The following GPC3 variants were observed in gnomAD, a reference collection of about 807,000 sequenced individuals.
The protein encoded by GPC3 is glypican-3.
In GPC3, 3 loss-of-function variants were observed where a neutral mutation model predicts 34.4. The observed-to-expected ratio is 0.09, with a 90% confidence interval of 0.04 to 0.23. The LOEUF (loss-of-function observed/expected upper bound fraction) is 0.23, where lower values mean the gene tolerates loss of function less well. Ranked by LOEUF, GPC3 falls within the 10% of genes least tolerant of loss-of-function variation. GPC3 has a pLI of 1.00. For synonymous variants in GPC3, 177 were observed against 174.0 expected (o/e 1.02, Z -0.13); for missense variants, 351 against 445.6 (o/e 0.79, Z 1.91).
At chrX:133,764,918 G>A (rs73564951) in intron 2 of GPC3, among the ~76,000 whole-genome samples, 2,781 of 111,456 alleles carry the variant, frequency 0.025, 90 homozygotes, top group African/African-American at 0.085. Context: ...TTGGAAAATA[G>A]TCTTACTTAT....
At chrX:133,703,831 A>G (rs886636665) in intron 3 of GPC3, among the ~76,000 whole-genome samples, 1 of 112,090 alleles carries the variant, frequency 8.9e-6, no homozygotes. Context: ...TTGTACCTAC[A>G]TAAGGAAAAT....
In GPC3 at chrX:133,945,280, A is replaced by C. The variant is rs1185359362; in HGVS notation, c.337+7770T>G. ...GTGGCACATTCCTGTAGTCCCAGCT[A>C]TTCAGGAGGCTGAGGTGGGAGGATC... is the stretch of plus-strand genomic sequence containing the variant. On this transcript the variant is annotated intron_variant, in intron 2 of 7. Transcript: ENST00000370818. Among the ~76,000 whole-genome samples, 4 of 111,504 alleles carry C rather than the reference A, an allele frequency of 3.6e-5. No individual in the cohort carries two copies. In the East Asian group the frequency reaches 1.1e-3, roughly 31 times the overall value.
At chrX:133,601,028 C>A (rs1313267970) in intron 6 of GPC3, among the ~76,000 whole-genome samples, 1 of 111,592 alleles carries the variant, frequency 9.0e-6, no homozygotes, top group Admixed American at 9.5e-5. Context: ...ATTCTGTTAA[C>A]CTGACACTTC....
chrX:133,872,856 T>C (rs1320840029), intron 2 of GPC3, among the ~76,000 whole-genome samples: 1 of 112,009 alleles, frequency 8.9e-6, no homozygotes. Flanking sequence ...GGACATTTAT[T>C]ACTATGCTGT....
intron 2 of GPC3, among the ~76,000 whole-genome samples, chrX:133,827,172 A>G (rs760606445): frequency 1.3e-3 from 146 of 112,084 alleles, no homozygotes; most frequent in Non-Finnish European, 1.9e-3. Flanking sequence ...ACAAAAACTG[A>G]GAGAATTTGT....
intron 2 of GPC3, among the ~76,000 whole-genome samples, chrX:133,905,619 T>C (rs1044878060): frequency 8.9e-6 from 1 of 111,996 alleles, no homozygotes; most frequent in African/African-American, 3.2e-5. Context: ...AGAAAATGGA[T>C]GTCAAATCTG....
intron 2 of GPC3, among the ~76,000 whole-genome samples, chrX:133,834,760 A>G (rs1410907541): frequency 1.8e-5 from 2 of 112,215 alleles, no homozygotes; most frequent in African/African-American, 6.5e-5. Context: ...AGGTCAATAC[A>G]GGAATTTTCC....
At chrX:133,612,236 A>T (rs1203682598) in intron 6 of GPC3, among the ~76,000 whole-genome samples, 1 of 111,742 alleles carries the variant, frequency 8.9e-6, no homozygotes, top group East Asian at 2.8e-4. Context: ...TTTTCCATCA[A>T]CTCAACTGGG....
chrX:133,570,905 C>G (rs2069622624), intron 7 of GPC3, among the ~76,000 whole-genome samples: 1 of 111,430 alleles, frequency 9.0e-6, no homozygotes, highest in African/African-American at 3.3e-5. Context: ...AAAAAAAAAT[C>G]TCACAGGAGA....
At chrX:133,574,577 T>G (rs973453097) in intron 7 of GPC3, among the ~76,000 whole-genome samples, 2 of 112,136 alleles carry the variant, frequency 1.8e-5, no homozygotes, top group Admixed American at 1.9e-4. Context: ...TCAGCTAAGG[T>G]TGTAGGTTTT....
chrX:133,644,992 G>T (rs1314048405), intron 6 of GPC3, among the ~76,000 whole-genome samples: 2 of 111,775 alleles, frequency 1.8e-5, no homozygotes, highest in Non-Finnish European at 3.8e-5. Context: ...TGTTGCCCAA[G>T]CTGGTCTCGA....
At chrX:133,707,226 G>A (rs912181474) in intron 3 of GPC3, among the ~76,000 whole-genome samples, 3 of 111,013 alleles carry the variant, frequency 2.7e-5, no homozygotes, top group African/African-American at 9.8e-5. Context: ...GAGGAAAAGG[G>A]GCATGGGCTA....
chrX:133,641,533 G>A (rs888275296), intron 6 of GPC3, among the ~76,000 whole-genome samples: 1 of 110,448 alleles, frequency 9.1e-6, no homozygotes, highest in Non-Finnish European at 1.9e-5. Flanking sequence ...AAAACAAAAG[G>A]TAGAGAATAG....
At chrX:133,666,996 T>C (rs1300387777) in intron 5 of GPC3, among the ~76,000 whole-genome samples, 1 of 112,274 alleles carries the variant, frequency 8.9e-6, no homozygotes, top group Non-Finnish European at 1.9e-5. Flanking sequence ...TTAATCTTTA[T>C]AATAGTTTAA....
At chrX:133,850,189 G>GTTTTTTTTTTTTTTTTTTTTT (rs1282213093) in intron 2 of GPC3, among the ~76,000 whole-genome samples, 2 of 72,678 alleles carry the variant, frequency 2.8e-5, no homozygotes, top group African/African-American at 7.6e-5. Flanking sequence ...TGTTTTTTGG[G>GTTTTTTTTTTTTTTTTTTTTT]TTTTGTTTTT....
chrX:133,970,930 A>G (rs2076489826), intron 1 of GPC3, among the ~76,000 whole-genome samples: 1 of 111,969 alleles, frequency 8.9e-6, no homozygotes, highest in African/African-American at 3.2e-5. Flanking sequence ...CAATTGGAAT[A>G]CAATCTCTAA....
At chrX:133,640,241 A>G in intron 6 of GPC3, among the ~76,000 whole-genome samples, 1 of 111,865 alleles carries the variant, frequency 8.9e-6, no homozygotes, top group Non-Finnish European at 1.9e-5. Flanking sequence ...ATATTCCAAC[A>G]TGCAAGTTAT....
chrX:133,626,136 C>G (rs2070295995), intron 6 of GPC3, among the ~76,000 whole-genome samples: 3 of 111,852 alleles, frequency 2.7e-5, no homozygotes, highest in Admixed American at 1.9e-4. Flanking sequence ...AACTGGATCC[C>G]TTCCTTACAC....
At chrX:133,978,757 T>C (rs1350640886) in intron 1 of GPC3, among the ~76,000 whole-genome samples, 1 of 112,355 alleles carries the variant, frequency 8.9e-6, no homozygotes, top group Non-Finnish European at 1.9e-5. Context: ...TACCTATTAT[T>C]TGTACCCTGT....
Sources: allele counts gnomAD v4.1 joint callset (sites outside exome capture counted in the v4.1 genomes callset), GRCh38; gene constraint gnomAD v4.1.1; transcripts MANE v1.5; gene names NCBI Gene and HGNC (gene_info 2026-07-23, HGNC 2026-07-21).